Variants in HS6ST3 observed in about 807,000 individuals in gnomAD.
HS6ST3 encodes the protein heparan sulfate 6-O-sulfotransferase 3, also known as heparan-sulfate 6-O-sulfotransferase 3.
In HS6ST3, 12 loss-of-function variants were observed where a neutral mutation model predicts 36.7. The observed-to-expected ratio is 0.33, with a 90% CI of 0.21 to 0.53. The LOEUF is 0.53. Among genes scored for constraint, HS6ST3 ranks in the 20% least tolerant of loss-of-function variants. The probability of loss-of-function intolerance (pLI) is 0.95; values close to 1 mark genes in which losing one functional copy is unlikely to be tolerated. For synonymous variants in HS6ST3, 240 were observed against 257.5 expected, an observed-to-expected ratio of 0.93 and a Z score of 0.65; for missense variants, 584 against 640.9, an observed-to-expected ratio of 0.91 and a Z score of 0.96.
intron 1 of HS6ST3, among the ~76,000 whole-genome samples, chr13:96,790,922 C>CCTATATGTGT (rs1435821939): frequency 6.6e-6 from 1 of 152,018 alleles, no homozygotes; most frequent in Non-Finnish European, 1.5e-5. Context: ...TGTACCACCT[C>CCTATATGTGT]CTATATGTGT....
At chr13:96,141,849 G>A (rs934718471) in intron 1 of HS6ST3, among the ~76,000 whole-genome samples, 1 of 152,108 alleles carries the variant, frequency 6.6e-6, no homozygotes, top group Non-Finnish European at 1.5e-5. Flanking sequence ...CTGAGAGAGA[G>A]AACGTCATGA....
intron 1 of HS6ST3, among the ~76,000 whole-genome samples, chr13:96,678,804 T>G (rs2056708184): frequency 6.6e-6 from 1 of 152,150 alleles, no homozygotes; most frequent in African/African-American, 2.4e-5. Flanking sequence ...CACCTCATTA[T>G]TTGTGCAACT....
intron 1 of HS6ST3, among the ~76,000 whole-genome samples, chr13:96,197,493 A>G (rs1050500784): frequency 2.0e-5 from 3 of 152,162 alleles, no homozygotes; most frequent in African/African-American, 7.2e-5. Context: ...TCATGTCATC[A>G]TATTTCAAAA....
chr13:96,290,236 T>C (rs1403493834), intron 1 of HS6ST3, among the ~76,000 whole-genome samples: 1 of 152,062 alleles, frequency 6.6e-6, no homozygotes, highest in Non-Finnish European at 1.5e-5. Flanking sequence ...AGCATGTGGT[T>C]GGGCAGTGCA....
intron 1 of HS6ST3, among the ~76,000 whole-genome samples, chr13:96,418,312 C>G (rs1401422261): frequency 6.6e-6 from 1 of 152,106 alleles, no homozygotes; most frequent in Non-Finnish European, 1.5e-5. Context: ...TATGAATGAC[C>G]GCAAAAGTTC....
intron 1 of HS6ST3, among the ~76,000 whole-genome samples, chr13:96,382,726 C>T (rs1363343511): frequency 6.6e-6 from 1 of 152,098 alleles, no homozygotes; most frequent in Non-Finnish European, 1.5e-5. Context: ...GGAGTAGATA[C>T]CAGTTAATAT....
intron 1 of HS6ST3, among the ~76,000 whole-genome samples, chr13:96,606,639 G>A (rs2056440148): frequency 7.6e-6 from 1 of 131,910 alleles, no homozygotes; most frequent in Non-Finnish European, 1.6e-5. Context: ...GGGAGGGAGG[G>A]CTGAGGGACT....
At chr13:96,110,231 G>A (rs916997022) in intron 1 of HS6ST3, among the ~76,000 whole-genome samples, 6 of 152,024 alleles carry the variant, frequency 3.9e-5, no homozygotes, top group Admixed American at 3.3e-4. Context: ...CACATGGCAA[G>A]AGAGGGAGCA....
chr13:96,488,135 C>CT (rs1446597781), intron 1 of HS6ST3, among the ~76,000 whole-genome samples: 4 of 152,060 alleles, frequency 2.6e-5, no homozygotes, highest in African/African-American at 7.2e-5. Flanking sequence ...ATTTTTCTCT[C>CT]TTTTTTCTCC....
rs940684569 is a variant in HS6ST3 at position 96,143,270 on chromosome 13, A to G, written c.707+51701A>G. 5.3e-5 allele frequency among the ~76,000 whole-genome samples: 8 copies of G among 151,940 alleles called. No individual in the cohort carries two copies. In the East Asian group the frequency reaches 1.3e-3, roughly 26 times the overall value. On this transcript the variant is annotated intron_variant, in intron 1 of 1. Transcript: ENST00000376705. ...GCTCCCCAAAACTTTTTGACAGATC[A>G]AAACAAAAACTTTGAGTAAAAATAG...
At chr13:96,823,394 A>G (rs1296639714) in intron 1 of HS6ST3, among the ~76,000 whole-genome samples, 1 of 152,322 alleles carries the variant, frequency 6.6e-6, no homozygotes, top group Admixed American at 6.5e-5. Context: ...ACACATCCAT[A>G]AATGGAATAT....
At chr13:96,379,280 A>C (rs1339043470) in intron 1 of HS6ST3, among the ~76,000 whole-genome samples, 1 of 152,164 alleles carries the variant, frequency 6.6e-6, no homozygotes, top group African/African-American at 2.4e-5. Context: ...CCCTAAGGTG[A>C]TGTTATTCAG....
chr13:96,466,931 A>AT (rs2055817262), intron 1 of HS6ST3, among the ~76,000 whole-genome samples: 1 of 152,204 alleles, frequency 6.6e-6, no homozygotes, highest in South Asian at 2.1e-4. Flanking sequence ...GTAGAATTTG[A>AT]TTTTTCTATA....
intron 1 of HS6ST3, among the ~76,000 whole-genome samples, chr13:96,516,227 A>G (rs920463332): frequency 1.3e-5 from 2 of 151,156 alleles, no homozygotes; most frequent in African/African-American, 4.9e-5. Context: ...ATGCCTAGCT[A>G]TTTTTTTTCT....
chr13:96,616,486 A>G (rs1393445263), intron 1 of HS6ST3, among the ~76,000 whole-genome samples: 2 of 152,142 alleles, frequency 1.3e-5, no homozygotes, highest in Non-Finnish European at 2.9e-5. Flanking sequence ...AATAATTCCT[A>G]TGTAAATGCT....
chr13:96,669,714 G>C (rs1167186855), intron 1 of HS6ST3, among the ~76,000 whole-genome samples: 1 of 151,998 alleles, frequency 6.6e-6, no homozygotes, highest in Non-Finnish European at 1.5e-5. Flanking sequence ...TCCTGCTGTA[G>C]AACAGACAGT....
chr13:96,439,556 G>T (rs2055659913), intron 1 of HS6ST3, among the ~76,000 whole-genome samples: 1 of 152,186 alleles, frequency 6.6e-6, no homozygotes, highest in South Asian at 2.1e-4. Context: ...CATGGCTCTG[G>T]CACTTAGCAG....
At chr13:96,391,988 CA>C (rs1227739047) in intron 1 of HS6ST3, among the ~76,000 whole-genome samples, 3 of 152,184 alleles carry the variant, frequency 2.0e-5, no homozygotes, top group Non-Finnish European at 4.4e-5. Context: ...AGATGTTGAA[CA>C]AATGTTTAGA....
intron 1 of HS6ST3, 130 bp downstream of exon 1, chr13:96,091,699 G>A (rs563798883): frequency 5.4e-6 from 7 of 1,292,028 alleles, no homozygotes; most frequent in South Asian, 3.1e-5. Flanking sequence ...GGTTGGCGCC[G>A]TGGCTTTGGG....
Sources: gnomAD v4.1 joint callset for allele counts (sites outside exome capture counted in the v4.1 genomes callset) on GRCh38, gnomAD v4.1.1 for gene constraint, MANE v1.5 for transcripts, NCBI Gene and HGNC (gene_info 2026-07-23, HGNC 2026-07-21) for gene names.